The following PPP1R3F variants were observed in gnomAD, a reference collection of about 807,000 sequenced individuals.
The protein encoded by PPP1R3F is protein phosphatase 1, regulatory (inhibitor) subunit 3F.
In PPP1R3F, 29 loss-of-function variants were observed where a neutral mutation model predicts 24.2. That is an observed-to-expected ratio of 1.20 (90% CI 0.89 to 1.63). The LOEUF (loss-of-function observed/expected upper bound fraction) is 1.63. PPP1R3F is among the 40% of genes most tolerant of loss of function. The pLI, the probability that PPP1R3F is intolerant of heterozygous loss-of-function variation, is 0.00. For synonymous variants in PPP1R3F, 363 were observed against 340.1 expected (o/e 1.07, Z -0.74); for missense variants, 823 against 729.3 (o/e 1.13, Z -1.48).
intron 3 of PPP1R3F, among the ~76,000 whole-genome samples, chrX:49,296,600 T>C (rs781845404): frequency 8.9e-6 from 1 of 111,980 alleles, no homozygotes; most frequent in African/African-American, 3.2e-5. Flanking sequence ...GTTCTTTTAA[T>C]TGTGATATTA....
Position 49,270,097 on chromosome X carries a change from CGGCG to C in PPP1R3F, c.231_234del (p.Gly78ProfsTer93). The C allele has an allele frequency of 2.0e-6, 2 of 1,010,860 alleles. No individual in the cohort carries two copies. The highest frequency in any genetic ancestry group is 2.5e-6 in the Non-Finnish European group (2 of 800,580). The allele number at this position is 1,010,860 out of a possible 1,213,427, so 83.3% of individuals were successfully genotyped here. On this transcript the variant is annotated frameshift_variant, in exon 1 of 4. Coordinates refer to ENST00000055335, the MANE Select transcript of PPP1R3F (RefSeq NM_033215.5). LOFTEE classifies it high-confidence loss of function. ...CGGCCGGGCAAGATGGCGGCGGCGGCGGCGGGGCCGACGAGGACGACGATGGCGA... is the reference window on the plus strand; with the variant it reads ...CGGCCGGGCAAGATGGCGGCGGCGGCGGGCCGACGAGGACGACGATGGCGA...
In PPP1R3F at chrX:49,270,269, G is replaced by C; in HGVS notation, c.400G>C (p.Val134Leu). The C allele has an allele frequency of 1.8e-6, 2 of 1,102,754 alleles. No individual in the cohort carries two copies. The highest frequency in any genetic ancestry group is 2.4e-6 in the Non-Finnish European group (2 of 850,597). 90.9% of individuals were successfully genotyped at this position (1,102,754 alleles called of 1,213,427 possible). ...APGRLERLGRVMVELEALLPP... is the reference protein window; with the variant it reads ...APGRLERLGRLMVELEALLPP... The stretch of plus-strand genomic sequence containing the variant: ...GGGCCGTCTGGAGCGCTTGGGGCGC[G>C]TCATGGTGGAGCTGGAGGCGCTGCT... Residue 134 changes from valine (V) to leucine (L), a missense_variant, in exon 1 of 4, where the codon GTC becomes CTC. Transcript: ENST00000055335.
chrX:49,286,835 T>C lies in PPP1R3F; in HGVS notation c.2145T>C (p.Cys715=). The C allele has an allele frequency of 8.3e-7, 1 of 1,199,191 alleles. No homozygotes were observed. Among genetic ancestry groups the C allele is most frequent in the Non-Finnish European group, 1.1e-6 (1 of 888,409 alleles). ...TLLSPLGAEV[C]LSSVARPHVS... ...TCAGTCCCTTGGGGGCCGAAGTCTGTCTCTCTAGTGTAGCCAGGCCTCATG... is the reference window on the plus strand; with the variant it reads ...TCAGTCCCTTGGGGGCCGAAGTCTGCCTCTCTAGTGTAGCCAGGCCTCATG... The change falls in exon 4 of 4, where the codon TGT becomes TGC. Residue 715 remains cysteine (C), a synonymous_variant. Coordinates refer to ENST00000055335, the MANE Select transcript of PPP1R3F (RefSeq NM_033215.5).
chrX:49,277,081 CAA>C (rs1209112744), intron 1 of PPP1R3F, among the ~76,000 whole-genome samples: 2 of 112,603 alleles, frequency 1.8e-5, no homozygotes, highest in Non-Finnish European at 3.8e-5. Flanking sequence ...GTGGTGGTGG[CAA>C]TGGCAGTCTG....
In PPP1R3F at chrX:49,286,243, GA is replaced by G. The variant is rs2066282618; in HGVS notation, c.1554del (p.Met520CysfsTer10). On this transcript the variant is annotated frameshift_variant, in exon 4 of 4. Transcript: ENST00000055335. LOFTEE classifies it high-confidence loss of function. ...GGTGGTGGGGAGGGCTCCACAGATG[GA>G]GGGATGTCCCCCAGCCATCCCCTGG... is the stretch of plus-strand genomic sequence containing the variant. Reference protein sequence around the residue: ...AGGGGEGSTDGGMSPSHPLGI... With the variant: ...AGGGGEGSTDXGMSPSHPLGI... 2 of 1,209,012 alleles carry G rather than the reference GA, an allele frequency of 1.7e-6. No homozygotes were observed. The highest frequency in any genetic ancestry group is 2.2e-6 in the Non-Finnish European group (2 of 894,676).
chrX:49,294,188 C>T (rs1270711614), intron 3 of PPP1R3F, among the ~76,000 whole-genome samples: 1 of 109,710 alleles, frequency 9.1e-6, no homozygotes, highest in Non-Finnish European at 1.9e-5. Flanking sequence ...GTTCTATTAC[C>T]CTAAAGAACT....
At chrX:49,279,318 A>G (rs1557120370) in intron 1 of PPP1R3F, among the ~76,000 whole-genome samples, 2 of 112,617 alleles carry the variant, frequency 1.8e-5, no homozygotes, top group Admixed American at 9.4e-5. Context: ...GTGTAATGCC[A>G]TAGTAGGTAC....
chrX:49,294,678 G>C (rs782571558), intron 3 of PPP1R3F, among the ~76,000 whole-genome samples: 1 of 108,568 alleles, frequency 9.2e-6, no homozygotes, highest in African/African-American at 3.4e-5. Context: ...GAGAGGCTGA[G>C]GGGGGGTGGA....
intron 3 of PPP1R3F, among the ~76,000 whole-genome samples, chrX:49,296,367 C>A (rs782398444): frequency 9.0e-6 from 1 of 111,478 alleles, no homozygotes; most frequent in Non-Finnish European, 1.9e-5. Context: ...GCTGATATCC[C>A]TTTTATTGTT....
At chrX:49,293,014 G>C (rs1263276245), downstream of PPP1R3F, among the ~76,000 whole-genome samples, 1 of 112,035 alleles carries the variant, frequency 8.9e-6, no homozygotes, top group African/African-American at 3.2e-5. Flanking sequence ...ACAGTCAGGT[G>C]GGGGAAGTTC....
At chrX:49,285,242 C>T (rs890247918) in intron 3 of PPP1R3F, among the ~76,000 whole-genome samples, 3 of 108,876 alleles carry the variant, frequency 2.8e-5, no homozygotes, top group Non-Finnish European at 5.7e-5. Context: ...AAGTCTCTGT[C>T]GCCCAGGCTG....
At chrX:49,285,353 G>A (rs1458330887) in intron 3 of PPP1R3F, among the ~76,000 whole-genome samples, 3 of 110,422 alleles carry the variant, frequency 2.7e-5, no homozygotes, top group Non-Finnish European at 3.8e-5. Flanking sequence ...ACAACACCAC[G>A]CCCAGCTAAT....
chrX:49,285,820 G>C lies in PPP1R3F; in HGVS notation c.1144-14G>C. On this transcript the variant is annotated splice_polypyrimidine_tract_variant and intron_variant, in intron 3 of 3. Transcript: ENST00000055335. Reference sequence around the variant, plus strand: ...TGCTTTTTCTCTGCCCCCTTGCCCCGGCCATGGCTCCAGGTTTCTGACGTT... The same window carrying C: ...TGCTTTTTCTCTGCCCCCTTGCCCCCGCCATGGCTCCAGGTTTCTGACGTT... 4 of 1,123,621 alleles carry C rather than the reference G, an allele frequency of 3.6e-6. No homozygotes were observed. Among genetic ancestry groups the C allele is most frequent in the Non-Finnish European group, 4.7e-6 (4 of 848,950 alleles). 92.6% of individuals were successfully genotyped at this position (1,123,621 alleles called of 1,213,427 possible).
chrX:49,283,397 C>T (rs1025942656), intron 3 of PPP1R3F, among the ~76,000 whole-genome samples: 6 of 110,978 alleles, frequency 5.4e-5, no homozygotes, highest in Non-Finnish European at 1.1e-4. Flanking sequence ...TTAGTAGAGA[C>T]GGGATCCGTT....
At chrX:49,301,183 A>G (rs147622145) in intron 3 of PPP1R3F, among the ~76,000 whole-genome samples, 2 of 112,788 alleles carry the variant, frequency 1.8e-5, no homozygotes, top group East Asian at 2.8e-4. Context: ...TCTACCCTCA[A>G]AGTGTATACA....
At chrX:49,300,477 G>GTTTTTTTT (rs35140303) in intron 3 of PPP1R3F, among the ~76,000 whole-genome samples, 1 of 70,384 alleles carries the variant, frequency 1.4e-5, no homozygotes, top group Non-Finnish European at 2.4e-5. Flanking sequence ...TATTGCTGCT[G>GTTTTTTTT]TTTTTTTTTT....
chrX:49,279,330 A>C (rs932014605), intron 1 of PPP1R3F, among the ~76,000 whole-genome samples: 1 of 112,495 alleles, frequency 8.9e-6, no homozygotes, highest in Admixed American at 9.4e-5. Flanking sequence ...AGTAGGTACT[A>C]TGTATGGGTC....
rs782025824 is a variant in PPP1R3F at position 49,286,373 on chromosome X, G to A, written c.1683G>A (p.Gly561=). The part of the protein sequence containing the change: ...EEITLHYARL[G]RGVELIKDTE... ...TCACGCTGCACTATGCCCGGCTGGG[G>A]CGTGGCGTGGAGCTCATCAAGGACA... The change falls in exon 4 of 4, where the codon GGG becomes GGA. Residue 561 remains glycine, a synonymous_variant. Coordinates refer to ENST00000055335, the MANE Select transcript of PPP1R3F (RefSeq NM_033215.5). 8.4e-7 allele frequency: 1 copy of A among 1,192,684 alleles called. No homozygotes were observed. Among genetic ancestry groups the A allele is most frequent in the Non-Finnish European group, 1.1e-6 (1 of 883,588 alleles).
At chrX:49,288,836 G>A (rs781836487), downstream of PPP1R3F, among the ~76,000 whole-genome samples, 20 of 112,092 alleles carry the variant, frequency 1.8e-4, no homozygotes, top group Non-Finnish European at 2.6e-4. Context: ...AAACCAAAGC[G>A]CTTTAAGAAT....
Sources: allele counts gnomAD v4.1 joint callset (sites outside exome capture counted in the v4.1 genomes callset), GRCh38; gene constraint gnomAD v4.1.1; transcripts MANE v1.5; gene names NCBI Gene and HGNC (gene_info 2026-07-23, HGNC 2026-07-21).